Variants in DLGAP2 observed in about 807,000 individuals in gnomAD.
DLGAP2 encodes disks large-associated protein 2.
Under a neutral mutation model 100.3 loss-of-function variants are expected in DLGAP2, and 26 were observed. That is an observed-to-expected ratio of 0.26 (90% CI 0.19 to 0.36). The LOEUF (loss-of-function observed/expected upper bound fraction) is 0.36, where lower values mean the gene tolerates loss of function less well. Among genes scored for constraint, DLGAP2 ranks in the 10% least tolerant of loss-of-function variants. DLGAP2 has a pLI of 1.00. For synonymous variants in DLGAP2, 886 were observed against 630.1 expected (o/e 1.41, Z -6.08); for missense variants, 1,858 against 1,453.2 (o/e 1.28, Z -4.53).
intron 2 of DLGAP2, among the ~76,000 whole-genome samples, chr8:1,006,482 G>T (rs879133401): frequency 8.3e-6 from 1 of 120,326 alleles, no homozygotes; most frequent in Non-Finnish European, 1.7e-5. Context: ...TTATCACATC[G>T]GGGACACCGT....
intron 4 of DLGAP2, among the ~76,000 whole-genome samples, chr8:1,526,807 C>G (rs532320664): frequency 6.6e-6 from 1 of 152,318 alleles, no homozygotes; most frequent in Non-Finnish European, 1.5e-5. Flanking sequence ...TTCCCAGAGA[C>G]TCCCCTACGT....
At chr8:1,052,156 G>A (rs1345358106) in intron 2 of DLGAP2, among the ~76,000 whole-genome samples, 3 of 152,144 alleles carry the variant, frequency 2.0e-5, no homozygotes, top group African/African-American at 7.2e-5. Flanking sequence ...CGTGTCATGA[G>A]GTGGGCCTGG....
intron 3 of DLGAP2, among the ~76,000 whole-genome samples, chr8:1,287,330 T>TGC (rs1419413314): frequency 1.5e-5 from 2 of 134,584 alleles, no homozygotes; most frequent in African/African-American, 5.9e-5. Flanking sequence ...TGTGTGTGTG[T>TGC]GTGCGTGGTT....
intron 6 of DLGAP2, among the ~76,000 whole-genome samples, chr8:1,578,102 CTGAG>C (rs1481433949): frequency 1.3e-5 from 2 of 152,220 alleles, no homozygotes; most frequent in South Asian, 2.1e-4. Context: ...ATACAGTGCA[CTGAG>C]TGTTTTTCTC....
chr8:1,052,863 T>A (rs1172544512), intron 2 of DLGAP2, among the ~76,000 whole-genome samples: 1 of 152,296 alleles, frequency 6.6e-6, no homozygotes, highest in East Asian at 1.9e-4. Flanking sequence ...TAGAACTGGC[T>A]GCAATCCATA....
intron 2 of DLGAP2, among the ~76,000 whole-genome samples, chr8:1,067,942 C>T (rs1010757999): frequency 4.6e-5 from 7 of 152,144 alleles, no homozygotes; most frequent in Non-Finnish European, 7.3e-5. Flanking sequence ...TAAAAATCCC[C>T]TCTGCTCCGC....
At chr8:882,005 G>C (rs1454825829) in intron 1 of DLGAP2, among the ~76,000 whole-genome samples, 1 of 152,160 alleles carries the variant, frequency 6.6e-6, no homozygotes, top group Non-Finnish European at 1.5e-5. Flanking sequence ...CCTTTCCAGA[G>C]GGCATAAGTG....
At chr8:1,096,452 C>T (rs1804369587) in intron 2 of DLGAP2, among the ~76,000 whole-genome samples, 1 of 152,220 alleles carries the variant, frequency 6.6e-6, no homozygotes, top group Non-Finnish European at 1.5e-5. Flanking sequence ...GAGAGGAACC[C>T]CCCAGCGTGA....
At chr8:936,830 G>T (rs1215677540) in intron 2 of DLGAP2, among the ~76,000 whole-genome samples, 1 of 152,158 alleles carries the variant, frequency 6.6e-6, no homozygotes, top group Non-Finnish European at 1.5e-5. Flanking sequence ...CATGACTTTT[G>T]AATAAAAGTG....
intron 2 of DLGAP2, among the ~76,000 whole-genome samples, chr8:1,038,385 C>T (rs2129029536): frequency 6.6e-6 from 1 of 152,226 alleles, no homozygotes; most frequent in Middle Eastern, 3.4e-3. Context: ...AACCTCCAAC[C>T]CCACCAGCAA....
intron 3 of DLGAP2, among the ~76,000 whole-genome samples, chr8:1,299,271 G>C (rs77921565): frequency 6.6e-6 from 1 of 152,196 alleles, no homozygotes; most frequent in African/African-American, 2.4e-5. Flanking sequence ...GCCCCCACCC[G>C]AGGCCACCCA....
At chr8:1,540,324 C>A (rs1162591074) in intron 4 of DLGAP2, among the ~76,000 whole-genome samples, 1 of 152,232 alleles carries the variant, frequency 6.6e-6, no homozygotes, top group Non-Finnish European at 1.5e-5. Context: ...CACCACCCAA[C>A]TGAAGGCTTT....
chr8:1,339,595 T>G (rs1801372797), intron 3 of DLGAP2, among the ~76,000 whole-genome samples: 1 of 152,240 alleles, frequency 6.6e-6, no homozygotes, highest in Non-Finnish European at 1.5e-5. Context: ...TTTCCATGTT[T>G]TCTGATGTAG....
intron 3 of DLGAP2, among the ~76,000 whole-genome samples, chr8:1,292,764 A>T (rs1348049324): frequency 1.3e-5 from 2 of 151,694 alleles, no homozygotes; most frequent in African/African-American, 4.8e-5. Flanking sequence ...TGCTGTCTCG[A>T]GCCTCCCCTT....
intron 2 of DLGAP2, among the ~76,000 whole-genome samples, chr8:1,071,500 C>T (rs920539245): frequency 2.6e-5 from 4 of 152,244 alleles, no homozygotes; most frequent in South Asian, 2.1e-4. Context: ...CTGGGCGTCC[C>T]GGTGCCAGAC....
At chr8:1,428,897 T>C (rs982282179) in intron 3 of DLGAP2, among the ~76,000 whole-genome samples, 1 of 152,224 alleles carries the variant, frequency 6.6e-6, no homozygotes, top group Non-Finnish European at 1.5e-5. Context: ...GGACGTCGTC[T>C]CATGCCCTGC....
chr8:1,479,568 T>C (rs530086500), intron 3 of DLGAP2, among the ~76,000 whole-genome samples: 7 of 152,216 alleles, frequency 4.6e-5, no homozygotes, highest in African/African-American at 1.7e-4. Context: ...AGGGGAAGGC[T>C]GTGCGTTTCA....
intron 5 of DLGAP2, among the ~76,000 whole-genome samples, chr8:1,564,497 G>T (rs1204523774): frequency 1.3e-5 from 2 of 152,200 alleles, no homozygotes; most frequent in Non-Finnish European, 2.9e-5. Flanking sequence ...CAGATACACA[G>T]CACAGGGGGG....
At chr8:1,526,162 G>A (rs770925446) in intron 4 of DLGAP2, among the ~76,000 whole-genome samples, 6 of 151,056 alleles carry the variant, frequency 4.0e-5, no homozygotes, top group East Asian at 2.0e-4. Context: ...TGTTCCCAAC[G>A]GGCTTCAGTT....
Sources: allele counts gnomAD v4.1 joint callset (sites outside exome capture counted in the v4.1 genomes callset), GRCh38; gene constraint gnomAD v4.1.1; transcripts MANE v1.5; gene names NCBI Gene and HGNC (gene_info 2026-07-23, HGNC 2026-07-21).